The following ARL3 variants were observed in gnomAD, a reference collection of about 807,000 sequenced individuals.
The protein encoded by ARL3 is ADP-ribosylation factor-like protein 3.
Under a neutral mutation model 26.0 loss-of-function variants are expected in ARL3, and 9 were observed. That is an observed-to-expected ratio of 0.35 (90% CI 0.21 to 0.60). The LOEUF (loss-of-function observed/expected upper bound fraction) is 0.60. Ranked by LOEUF, ARL3 falls within the 20% of genes least tolerant of loss-of-function variation. The pLI, the probability that ARL3 is intolerant of heterozygous loss-of-function variation, is 0.78. For synonymous variants in ARL3, 71 were observed against 78.4 expected (o/e 0.91, Z 0.50); for missense variants, 158 against 215.7 (o/e 0.73, Z 1.67).
At chr10:102,708,017 G>A (rs2252147) in intron 1 of ARL3, among the ~76,000 whole-genome samples, 34,124 of 151,892 alleles carry the variant, frequency 0.22, 4,656 homozygotes, top group South Asian at 0.35. Context: ...GGGCTCAAGC[G>A]ATCCTCCCAC....
intron 1 of ARL3, 70 bp downstream of exon 1, chr10:102,714,203 C>G: frequency 7.6e-7 from 1 of 1,309,792 alleles, no homozygotes; most frequent in South Asian, 3.2e-5. Flanking sequence ...GCGCAGTGCT[C>G]CGCCCTGGGC....
intron 1 of ARL3, among the ~76,000 whole-genome samples, chr10:102,710,660 C>G (rs931850960): frequency 2.6e-5 from 4 of 152,170 alleles, no homozygotes; most frequent in Non-Finnish European, 5.9e-5. Flanking sequence ...GATTTATATT[C>G]CTGTGACATT....
intron 1 of ARL3, among the ~76,000 whole-genome samples, chr10:102,706,628 G>GCAAAA (rs1010317518): frequency 9.9e-5 from 15 of 151,974 alleles, no homozygotes; most frequent in South Asian, 4.2e-4. Context: ...CATCCATGAA[G>GCAAAA]CAAAACAAAA....
At chr10:102,699,143 C>T (rs1177413353) in intron 3 of ARL3, among the ~76,000 whole-genome samples, 1 of 152,120 alleles carries the variant, frequency 6.6e-6, no homozygotes. Flanking sequence ...TTTATTTTGC[C>T]AAGATGGGTG....
chr10:102,705,523 G>C, intron 1 of ARL3, 34 bp from the exon 2 acceptor site: 2 of 1,514,344 alleles, frequency 1.3e-6, no homozygotes, highest in South Asian at 2.5e-5. Flanking sequence ...GATTACTCTG[G>C]GGGCACTGAC....
At chr10:102,700,710 C>A (rs2064275607) in intron 2 of ARL3, among the ~76,000 whole-genome samples, 1 of 151,222 alleles carries the variant, frequency 6.6e-6, no homozygotes, top group South Asian at 2.1e-4. Flanking sequence ...ATGATCCGCC[C>A]ACCTTGGCCT....
Position 102,703,738 on chromosome 10 carries a change from C to T in ARL3, c.147+1608G>A, listed in dbSNP as rs370636296. Among the ~76,000 whole-genome samples, 11 of 152,118 alleles carry T rather than the reference C, an allele frequency of 7.2e-5. No homozygotes were observed. The East Asian group carries it at 7.7e-4, about 11-fold the overall frequency. On this transcript the variant is annotated intron_variant, in intron 2 of 5. Coordinates refer to ENST00000260746, the MANE Select transcript of ARL3 (RefSeq NM_004311.4). The stretch of plus-strand genomic sequence containing the variant: ...GATTATGGGCATGAGCCACCACGCC[C>T]GGCCCAGGACTCATCTTTAAACCTC...
In ARL3 at chr10:102,676,863, C is replaced by G; in HGVS notation, c.*31G>C. ...GTTTTTCAGGACCGAATTCGGCTCCCGCAGCTCCTGCATCTCCATTCGTCT... is the reference window on the plus strand; with the variant it reads ...GTTTTTCAGGACCGAATTCGGCTCCGGCAGCTCCTGCATCTCCATTCGTCT... On this transcript the variant is annotated 3_prime_UTR_variant, in exon 6 of 6. Transcript: ENST00000260746. 1 of 1,612,534 alleles carries G rather than the reference C, an allele frequency of 6.2e-7. No homozygotes were observed.
intron 2 of ARL3, among the ~76,000 whole-genome samples, chr10:102,700,495 C>T (rs112942067): frequency 0.017 from 2,624 of 150,132 alleles, 71 homozygotes; most frequent in African/African-American, 0.061. Context: ...GACAGAGTCT[C>T]GCTCTGTTGC....
rs1246743278 is a variant in ARL3, at chr10:102,675,051, T to G, written c.*1843A>C. On this transcript the variant is annotated 3_prime_UTR_variant, in exon 6 of 6. Transcript: ENST00000260746. Reference sequence around the variant, plus strand: ...TGAACTATTCGGAAGAAAAAACAATTTGCAAGTGCTAGAGCCACATTTGCA... The same window carrying G: ...TGAACTATTCGGAAGAAAAAACAATGTGCAAGTGCTAGAGCCACATTTGCA... 1 of 152,206 alleles carries G rather than the reference T, an allele frequency of 6.6e-6. No individual in the cohort carries two copies. Among genetic ancestry groups the G allele is most frequent in the Non-Finnish European group, 1.5e-5 (1 of 68,058 alleles). 9.4% of individuals were successfully genotyped at this position (152,206 alleles called of 1,614,324 possible). A position where few individuals can be genotyped will look rare whatever the true frequency, so the allele number is the denominator to read the frequency against.
chr10:102,713,074 C>G (rs1414732363), intron 1 of ARL3, among the ~76,000 whole-genome samples: 1 of 93,542 alleles, frequency 1.1e-5, no homozygotes, highest in Non-Finnish European at 2.0e-5. Context: ...TCCTGGGCAT[C>G]TAGTTTTTTT....
intron 3 of ARL3, 34 bp from the exon 4 acceptor site, chr10:102,689,977 G>C: frequency 9.6e-6 from 14 of 1,465,964 alleles, no homozygotes; most frequent in Non-Finnish European, 1.3e-5. Context: ...ATTTCAGTGA[G>C]CAGAGATGGA....
intron 5 of ARL3, among the ~76,000 whole-genome samples, chr10:102,680,200 T>A (rs2064149093): frequency 6.6e-6 from 1 of 152,178 alleles, no homozygotes; most frequent in Non-Finnish European, 1.5e-5. Flanking sequence ...CACCTCAGTC[T>A]CCCAAAGTGC....
At chr10:102,704,369 G>C (rs2064297315) in intron 2 of ARL3, among the ~76,000 whole-genome samples, 1 of 152,018 alleles carries the variant, frequency 6.6e-6, no homozygotes, top group African/African-American at 2.4e-5. Context: ...GCTGGGTGTG[G>C]TGGCTCACAC....
intron 4 of ARL3, among the ~76,000 whole-genome samples, chr10:102,687,931 GTGTGTGTGTA>G (rs2064196163): frequency 1.3e-5 from 2 of 151,884 alleles, no homozygotes; most frequent in Admixed American, 1.3e-4. Flanking sequence ...CAATGCGTGT[GTGTGTGTGTA>G]TGTGTGTGTG....
At chr10:102,708,959 C>T (rs1420007013) in intron 1 of ARL3, among the ~76,000 whole-genome samples, 1 of 140,796 alleles carries the variant, frequency 7.1e-6, no homozygotes, top group African/African-American at 2.7e-5. Context: ...GGCTGGAGTA[C>T]AGTGGTGAAA....
intron 3 of ARL3, among the ~76,000 whole-genome samples, chr10:102,694,183 GT>G (rs1195695630): frequency 6.6e-6 from 1 of 151,542 alleles, no homozygotes; most frequent in Non-Finnish European, 1.5e-5. Context: ...TAGAGATGGG[GT>G]TTCACCGTGT....
In ARL3 at chr10:102,675,965, G is replaced by C. The variant is rs1462731934; in HGVS notation, c.*929C>G. ...ATCGTTTAAACACAGAATTCTTTGA[G>C]CTTTAGAAATCCTGTCTATAGGACG... On this transcript the variant is annotated 3_prime_UTR_variant, in exon 6 of 6. Transcript: ENST00000260746. 6.6e-6 allele frequency: 1 copy of C among 152,608 alleles called. No homozygotes were observed. The highest frequency in any genetic ancestry group is 1.5e-5 in the Non-Finnish European group (1 of 68,036). 9.5% of individuals were successfully genotyped at this position (152,608 alleles called of 1,614,324 possible).
At position 102,674,574 on chromosome 10, in the gene ARL3, G is replaced by C. The variant is rs1458468651; in HGVS notation, c.*2320C>G. ...AAGACTCACTGGGGACAGGAGGAGG[G>C]GAAAAGGGGTCTTCCCTTTCCAGCT... On this transcript the variant is annotated 3_prime_UTR_variant, in exon 6 of 6. Coordinates refer to ENST00000260746, the MANE Select transcript of ARL3 (RefSeq NM_004311.4). 6.6e-6 allele frequency: 1 copy of C among 152,234 alleles called. No individual in the cohort carries two copies. The highest frequency in any genetic ancestry group is 1.5e-5 in the Non-Finnish European group (1 of 68,078). 9.4% of individuals were successfully genotyped at this position (152,234 alleles called of 1,614,324 possible).
Sources: allele counts gnomAD v4.1 joint callset (sites outside exome capture counted in the v4.1 genomes callset), GRCh38; gene constraint gnomAD v4.1.1; transcripts MANE v1.5; gene names NCBI Gene and HGNC (gene_info 2026-07-23, HGNC 2026-07-21).